Variants in STYXL2 observed in about 807,000 individuals in gnomAD.
STYXL2 encodes the protein serine/threonine/tyrosine interacting like 2, also known as serine/threonine/tyrosine-interacting-like protein 2.
In STYXL2, 44 loss-of-function variants were observed where a neutral mutation model predicts 52.4. That is an observed-to-expected ratio of 0.84 (90% CI 0.66 to 1.08). The LOEUF (loss-of-function observed/expected upper bound fraction) is 1.08, where lower values mean the gene tolerates loss of function less well. Among genes scored for constraint, STYXL2 ranks in the 50% least tolerant of loss-of-function variants. STYXL2 has a pLI of 0.00. For missense variants in STYXL2, 1,604 were observed against 1,471.7 expected (o/e 1.09, Z -1.47); for synonymous variants, 604 against 586.9 (o/e 1.03, Z -0.42).
intron 2 of STYXL2, among the ~76,000 whole-genome samples, chr1:167,113,346 T>C (rs999218268): frequency 2.6e-5 from 4 of 152,046 alleles, no homozygotes; most frequent in African/African-American, 9.7e-5. Flanking sequence ...CCCTGTAGAT[T>C]GATAGCAGAG....
intron 2 of STYXL2, among the ~76,000 whole-genome samples, chr1:167,097,377 T>G (rs928446817): frequency 2.0e-5 from 3 of 152,358 alleles, no homozygotes; most frequent in African/African-American, 7.2e-5. Context: ...GACAAATCCA[T>G]GTGTTACTAA....
Position 167,126,184 on chromosome 1 carries a change from C to A in STYXL2, c.1053C>A (p.Tyr351Ter), listed in dbSNP as rs754343401. The A allele has an allele frequency of 7.1e-5, 108 of 1,521,872 alleles. No individual in the cohort carries two copies. Among genetic ancestry groups the A allele is most frequent in the Non-Finnish European group, 8.9e-5 (101 of 1,138,696 alleles). 94.3% of individuals were successfully genotyped at this position (1,521,872 alleles called of 1,614,324 possible). A position where few individuals can be genotyped will look rare whatever the true frequency, so the allele number is the denominator to read the frequency against. The change falls in exon 6 of 6, where the codon TAC becomes TAA. Residue 351 changes from tyrosine (Y) to a stop codon, truncating the protein, a stop_gained. Transcript: ENST00000361200. LOFTEE classifies it low-confidence loss of function (END_TRUNC). ...LIDEEEEEKL[Y>*]EQWKKGQGLL... is the part of the protein sequence containing the mutation. Reference sequence around the variant, plus strand: ...ACGAGGAGGAGGAGGAGAAACTGTACGAGCAGTGGAAGAAGGGGCAGGGCC... The same window carrying A: ...ACGAGGAGGAGGAGGAGAAACTGTAAGAGCAGTGGAAGAAGGGGCAGGGCC...
intron 2 of STYXL2, among the ~76,000 whole-genome samples, chr1:167,097,530 T>TACAA (rs1190989834): frequency 6.6e-6 from 1 of 152,142 alleles, no homozygotes; most frequent in Non-Finnish European, 1.5e-5. Context: ...ATGTTGTAAT[T>TACAA]TGTAGTGTAA....
rs781479849 is a variant in STYXL2, at chr1:167,127,655, G to C, written c.2524G>C (p.Glu842Gln). 1 of 1,614,174 alleles carries C rather than the reference G, an allele frequency of 6.2e-7. No individual in the cohort carries two copies. Residue 842 changes from glutamate to glutamine, a missense_variant, in exon 6 of 6, where the codon GAG (glutamate) becomes CAG (glutamine). Physicochemically the swap from Glu to Gln is conservative, Grantham distance 29 (BLOSUM62 2). Transcript: ENST00000361200. ...DLKELGRKEKEMQMELREKMS... is the reference protein window; with the variant it reads ...DLKELGRKEKQMQMELREKMS... ...AAAGGAACTTGGCCGGAAGGAGAAGGAGATGCAGATGGAGCTTAGGGAGAA... is the reference window on the plus strand; with the variant it reads ...AAAGGAACTTGGCCGGAAGGAGAAGCAGATGCAGATGGAGCTTAGGGAGAA...
At chr1:167,125,693 A>G in intron 5 of STYXL2, 94 bp from the exon 6 acceptor site, 9 of 1,462,538 alleles carry the variant, frequency 6.2e-6, no homozygotes, top group Non-Finnish European at 8.1e-6. Flanking sequence ...AGTGCAGCAT[A>G]TTAAAACAGC....
chr1:167,108,457 G>T (rs760763513), intron 2 of STYXL2, among the ~76,000 whole-genome samples: 1 of 152,038 alleles, frequency 6.6e-6, no homozygotes, highest in South Asian at 2.1e-4. Context: ...CCCCAATAAC[G>T]TTTGTTTGAA....
At chr1:167,109,249 G>A (rs1667568072) in intron 2 of STYXL2, among the ~76,000 whole-genome samples, 1 of 152,206 alleles carries the variant, frequency 6.6e-6, no homozygotes, top group Admixed American at 6.5e-5. Flanking sequence ...GGGCCTGAAA[G>A]CTCTGCTTGC....
intron 2 of STYXL2, among the ~76,000 whole-genome samples, chr1:167,110,173 G>A (rs1667587597): frequency 6.6e-6 from 1 of 152,216 alleles, no homozygotes; most frequent in Non-Finnish European, 1.5e-5. Flanking sequence ...AGTGGAAGGA[G>A]GAGAGCACCA....
intron 5 of STYXL2, among the ~76,000 whole-genome samples, chr1:167,123,376 A>C (rs991967477): frequency 3.9e-5 from 6 of 152,216 alleles, no homozygotes; most frequent in African/African-American, 1.4e-4. Flanking sequence ...ACTGAGTCTA[A>C]GTAGTATTTG....
intron 2 of STYXL2, among the ~76,000 whole-genome samples, chr1:167,102,509 C>T (rs895661654): frequency 2.0e-5 from 3 of 152,036 alleles, no homozygotes; most frequent in East Asian, 1.9e-4. Context: ...AATAATACAA[C>T]ATATATAAAG....
intron 5 of STYXL2, among the ~76,000 whole-genome samples, chr1:167,125,096 A>G (rs1467382798): frequency 6.6e-6 from 1 of 152,254 alleles, no homozygotes; most frequent in African/African-American, 2.4e-5. Context: ...TTCGGGAAGA[A>G]TATGATAGCA....
rs769688201 is a variant in STYXL2 at position 167,126,226 on chromosome 1, C to G, written c.1095C>G (p.Val365=). 6.5e-7 allele frequency: 1 copy of G among 1,545,580 alleles called. No individual in the cohort carries two copies. Among genetic ancestry groups the G allele is most frequent in the Non-Finnish European group, 8.7e-7 (1 of 1,151,518 alleles). Residue 365 remains valine, a synonymous_variant, in exon 6 of 6, where the codon GTC becomes GTG. Transcript: ENST00000361200. ...KKGQGLLSDK[V]PQDGGGWRSA... is the part of the protein sequence containing the mutation. ...GGCAGGGCCTCCTCTCAGACAAGGT[C>G]CCCCAGGATGGAGGTGGCTGGCGCT...
At position 167,126,844 on chromosome 1, in the gene STYXL2, TGCAGAGGAG is replaced by T; in HGVS notation, c.1718_1726del (p.Glu573_Ala575del). 1 of 1,614,074 alleles carries T rather than the reference TGCAGAGGAG, an allele frequency of 6.2e-7. No homozygotes were observed. Among genetic ancestry groups the T allele is most frequent in the Non-Finnish European group, 8.5e-7 (1 of 1,180,004 alleles). ...CGGGAGACAGCAGCGGTGAGCCCGG[TGCAGAGGAG>T]GCAGTAGGGGAGAAGAACCCCTCCG... is the stretch of plus-strand genomic sequence containing the variant. On this transcript the variant is annotated inframe_deletion, in exon 6 of 6. Transcript: ENST00000361200.
rs747256963 is a variant in STYXL2 at position 167,117,541 on chromosome 1, A to G, written c.419A>G (p.Asn140Ser). The G allele has an allele frequency of 7.1e-5, 114 of 1,602,152 alleles. 1 individual carries two copies. Among genetic ancestry groups the G allele is most frequent in the Non-Finnish European group, 6.3e-5 (74 of 1,174,260 alleles). Residue 140 changes from asparagine (N) to serine (S), a missense_variant, in exon 4 of 6, where the codon AAT becomes AGT. Physicochemically the swap from Asn to Ser is conservative, Grantham distance 46. Coordinates refer to ENST00000361200, the MANE Select transcript of STYXL2 (RefSeq NM_001080426.3). ...PWNEVDEVWPNVFIAEKSVAV... is the reference protein window; with the variant it reads ...PWNEVDEVWPSVFIAEKSVAV... The stretch of plus-strand genomic sequence containing the variant: ...AATGAGGTGGATGAGGTCTGGCCCA[A>G]TGTCTTCATAGCTGAGAAGTGAGTC...
In STYXL2 at chr1:167,125,984, G is replaced by A. The variant is rs908589698; in HGVS notation, c.853G>A (p.Asp285Asn). Reference protein sequence around the residue: ...NEKLMEEREEDYGREGGSAEA... With the variant: ...NEKLMEEREENYGREGGSAEA... ...GAAGTTGATGGAGGAGAGAGAAGAGGACTATGGCCGGGAGGGGGGATCAGC... is the reference window on the plus strand; with the variant it reads ...GAAGTTGATGGAGGAGAGAGAAGAGAACTATGGCCGGGAGGGGGGATCAGC... The change falls in exon 6 of 6, where the codon GAC (aspartate) becomes AAC (asparagine). Residue 285 changes from aspartate to asparagine, a missense_variant. Transcript: ENST00000361200. 6.2e-7 allele frequency: 1 copy of A among 1,612,674 alleles called. No homozygotes were observed. The highest frequency in any genetic ancestry group is 1.7e-5 in the Admixed American group (1 of 59,884).
At chr1:167,122,161 G>C (rs1043308970) in intron 5 of STYXL2, among the ~76,000 whole-genome samples, 2 of 152,078 alleles carry the variant, frequency 1.3e-5, no homozygotes, top group African/African-American at 4.8e-5. Flanking sequence ...TAATAATCAA[G>C]ACTCTCTTGG....
intron 2 of STYXL2, among the ~76,000 whole-genome samples, chr1:167,109,647 C>T (rs1401063705): frequency 6.6e-6 from 1 of 152,148 alleles, no homozygotes; most frequent in Non-Finnish European, 1.5e-5. Context: ...AGGCCTCACC[C>T]ATCACCTGAG....
Position 167,128,366 on chromosome 1 carries a change from T to A in STYXL2, c.3235T>A (p.Phe1079Ile). 6.2e-7 allele frequency: 1 copy of A among 1,614,132 alleles called. No individual in the cohort carries two copies. The highest frequency in any genetic ancestry group is 8.5e-7 in the Non-Finnish European group (1 of 1,180,012). ...EDVEESSKSDFSEFGAKRKFT... is the reference protein window; with the variant it reads ...EDVEESSKSDISEFGAKRKFT... ...TGTGGAAGAGTCATCCAAGTCAGAC[T>A]TCTCTGAATTTGGAGCCAAGAGGAA... is the stretch of plus-strand genomic sequence containing the variant. The change falls in exon 6 of 6, where the codon TTC becomes ATC. Residue 1079 changes from phenylalanine to isoleucine, a missense_variant. Physicochemically the swap from Phe to Ile is conservative, Grantham distance 21. Coordinates refer to ENST00000361200, the MANE Select transcript of STYXL2 (RefSeq NM_001080426.3).
intron 5 of STYXL2, among the ~76,000 whole-genome samples, chr1:167,120,210 TAGTC>T (rs1358009096): frequency 1.3e-5 from 2 of 152,154 alleles, no homozygotes; most frequent in Non-Finnish European, 2.9e-5. Flanking sequence ...GACATGAGAC[TAGTC>T]TGCAGAGGTC....
Sources: gnomAD v4.1 joint callset for allele counts (sites outside exome capture counted in the v4.1 genomes callset) on GRCh38, gnomAD v4.1.1 for gene constraint, MANE v1.5 for transcripts, NCBI Gene and HGNC (gene_info 2026-07-23, HGNC 2026-07-21) for gene names.